CD58: variants seen among roughly 807,000 people sequenced by gnomAD.
CD58 encodes lymphocyte function-associated antigen 3.
In CD58, 14 loss-of-function variants were observed where a neutral mutation model predicts 27.6. The observed-to-expected ratio is 0.51, with a 90% CI of 0.34 to 0.79. The LOEUF (loss-of-function observed/expected upper bound fraction) is 0.79, where lower values mean the gene tolerates loss of function less well. Ranked by LOEUF, CD58 falls within the 30% of genes least tolerant of loss-of-function variation. CD58 has a pLI of 0.02. For missense variants in CD58, 268 were observed against 301.7 expected (o/e 0.89, Z 0.83); for synonymous variants, 117 against 103.8 (o/e 1.13, Z -0.77).
At chr1:116,549,378 C>G (rs1167111302) in intron 1 of CD58, among the ~76,000 whole-genome samples, 10 of 152,096 alleles carry the variant, frequency 6.6e-5, no homozygotes, top group African/African-American at 2.4e-4. Context: ...CCCAGGAGAG[C>G]AGGGCAGGTC....
At chr1:116,540,044 C>A (rs1657944163) in intron 2 of CD58, among the ~76,000 whole-genome samples, 1 of 152,130 alleles carries the variant, frequency 6.6e-6, no homozygotes, top group African/African-American at 2.4e-5. Context: ...AAGGACAGGG[C>A]AGTTAATTCT....
In CD58 at chr1:116,538,926, G is replaced by A. The variant is rs144271586; in HGVS notation, c.365-2698C>T. ...TACCCGCTATCTCCAAAGAGGTACA[G>A]TATGGTGTTTAGCATGGACTCAGAA... On this transcript the variant is annotated intron_variant, in intron 2 of 5. Transcript: ENST00000369489. The surrounding 1 kb of genome is among the most constrained non-coding windows in gnomAD (Gnocchi z 4.7). Among the ~76,000 whole-genome samples the A allele has an allele frequency of 6.6e-6, 1 of 152,228 alleles. No individual in the cohort carries two copies. Among genetic ancestry groups the A allele is most frequent in the Non-Finnish European group, 1.5e-5 (1 of 68,038 alleles).
In CD58 at chr1:116,559,540, TA is replaced by T. The variant is rs939054420; in HGVS notation, c.70+11362del. Among the ~76,000 whole-genome samples, 8 of 152,108 alleles carry T rather than the reference TA, an allele frequency of 5.3e-5. No individual in the cohort carries two copies. The highest frequency in any genetic ancestry group is 1.9e-4 in the African/African-American group (8 of 41,422). Reference sequence around the variant, plus strand: ...CAGTTAGTGACTTCTCTTATTTCCTTAAGACAGAGATTTACTGATTTCAGCC... The same window carrying T: ...CAGTTAGTGACTTCTCTTATTTCCTTAGACAGAGATTTACTGATTTCAGCC... On this transcript the variant is annotated intron_variant, in intron 1 of 5. Transcript: ENST00000369489. The surrounding 1 kb of genome is among the most constrained non-coding windows in gnomAD (Gnocchi z 4.4).
In CD58 at chr1:116,563,463, T is replaced by C. The variant is rs1194770333; in HGVS notation, c.70+7440A>G. On this transcript the variant is annotated intron_variant, in intron 1 of 5. Coordinates refer to ENST00000369489, the MANE Select transcript of CD58 (RefSeq NM_001779.3). This position sits in a 1 kb window ranked among gnomAD's most constrained non-coding sequence, Gnocchi z 4.1. ...TCTGTGTGGGGGCTCCAACTCCACA[T>C]TTCCCTTCCACACTGCCCTAGCAGA... 6.6e-6 allele frequency among the ~76,000 whole-genome samples: 1 copy of C among 152,106 alleles called. No individual in the cohort carries two copies. The highest frequency in any genetic ancestry group is 1.5e-5 in the Non-Finnish European group (1 of 68,010).
rs1658684899 is a variant in CD58, at chr1:116,559,449, A to G, written c.70+11454T>C. ...CCCCAGAGCCTGCACTGTTGGCCAG[A>G]ACATCAGATGCCTTGGTTGGGGCCA... is the stretch of plus-strand genomic sequence containing the variant. On this transcript the variant is annotated intron_variant, in intron 1 of 5. Transcript: ENST00000369489. This position sits in a 1 kb window ranked among gnomAD's most constrained non-coding sequence, Gnocchi z 4.4. Among the ~76,000 whole-genome samples, 1 of 152,212 alleles carries G rather than the reference A, an allele frequency of 6.6e-6. No individual in the cohort carries two copies. Among genetic ancestry groups the G allele is most frequent in the African/African-American group, 2.4e-5 (1 of 41,454 alleles).
intron 1 of CD58, among the ~76,000 whole-genome samples, chr1:116,555,572 T>A (rs564879171): frequency 4.6e-5 from 7 of 152,332 alleles, no homozygotes; most frequent in Admixed American, 2.0e-4. Context: ...GAATTTTTTT[T>A]AAATAAAGAT....
In CD58 at chr1:116,536,076, T is replaced by C. The variant is rs571293856; in HGVS notation, c.517A>G (p.Ile173Val). ...AGATCATTTTCCATCTTAAAATATA[T>C]ACTGGTTGAGTTACGTTTACATTGC... ...MEQCKRNSTSIYFKMENDLPQ... is the reference protein window; with the variant it reads ...MEQCKRNSTSVYFKMENDLPQ... The change falls in exon 3 of 6, where the codon ATA (isoleucine) becomes GTA (valine). Residue 173 changes from isoleucine (I) to valine (V), a missense_variant. By Grantham distance (29) the Ile-to-Val change is conservative (BLOSUM62 3). Coordinates refer to ENST00000369489, the MANE Select transcript of CD58 (RefSeq NM_001779.3). The surrounding 1 kb of genome is among the most constrained non-coding windows in gnomAD (Gnocchi z 5.4). The C allele has an allele frequency of 1.4e-5, 23 of 1,613,684 alleles. No individual in the cohort carries two copies. Among genetic ancestry groups the C allele is most frequent in the Non-Finnish European group, 1.9e-5 (23 of 1,179,740 alleles).
intron 1 of CD58, among the ~76,000 whole-genome samples, chr1:116,556,368 T>TGGCTTGCTAGTTAAGC (rs143410415): frequency 5.3e-5 from 8 of 151,834 alleles, no homozygotes; most frequent in Non-Finnish European, 1.2e-4. Context: ...CAATGTTAAG[T>TGGCTTGCTAGTTAAGC]AATGAAGCCA....
chr1:116,526,239 T>C (rs1268846404), intron 3 of CD58, among the ~76,000 whole-genome samples: 1 of 152,244 alleles, frequency 6.6e-6, no homozygotes, highest in African/African-American at 2.4e-5. Flanking sequence ...ATGAATCATG[T>C]CTTTGGTGTT....
chr1:116,533,010 C>A, intron 3 of CD58: 1 of 743,034 alleles, frequency 1.3e-6, no homozygotes. Context: ...TCATCTTCTC[C>A]CTCCTCATCA....
At position 116,538,474 on chromosome 1, in the gene CD58, G is replaced by T. The variant is rs1262773234; in HGVS notation, c.365-2246C>A. 6.6e-6 allele frequency among the ~76,000 whole-genome samples: 1 copy of T among 152,076 alleles called. No homozygotes were observed. The highest frequency in any genetic ancestry group is 1.5e-5 in the Non-Finnish European group (1 of 68,022). On this transcript the variant is annotated intron_variant, in intron 2 of 5. Coordinates refer to ENST00000369489, the MANE Select transcript of CD58 (RefSeq NM_001779.3). This position sits in a 1 kb window ranked among gnomAD's most constrained non-coding sequence, Gnocchi z 4.7. The stretch of plus-strand genomic sequence containing the variant: ...GTAACTAGGCTGGGCATTTCTCAGG[G>T]GCAGAAAACCAAGCTTTCTACCTCC...
chr1:116,567,326 G>A (rs998843944), intron 1 of CD58, among the ~76,000 whole-genome samples: 16 of 150,770 alleles, frequency 1.1e-4, no homozygotes, highest in Middle Eastern at 6.8e-3. Flanking sequence ...GGTGGGGGAA[G>A]AAAATTACCA....
Position 116,559,677 on chromosome 1 carries a change from C to G in CD58, c.70+11226G>C, listed in dbSNP as rs551499204. Among the ~76,000 whole-genome samples the G allele has an allele frequency of 1.6e-4, 24 of 152,272 alleles. No homozygotes were observed. Among genetic ancestry groups the G allele is most frequent in the Non-Finnish European group, 3.2e-4 (22 of 68,018 alleles). Reference sequence around the variant, plus strand: ...CCAAGGCCAGAGCAAGGTTCCCGGACCTTGCTCTCAGCTGTCAATCTGCCT... The same window carrying G: ...CCAAGGCCAGAGCAAGGTTCCCGGAGCTTGCTCTCAGCTGTCAATCTGCCT... On this transcript the variant is annotated intron_variant, in intron 1 of 5. Transcript: ENST00000369489. The surrounding 1 kb of genome is among the most constrained non-coding windows in gnomAD (Gnocchi z 4.4).
At chr1:116,526,612 A>G (rs1047128111) in intron 3 of CD58, among the ~76,000 whole-genome samples, 1 of 152,182 alleles carries the variant, frequency 6.6e-6, no homozygotes, top group African/African-American at 2.4e-5. Context: ...TAAGTCTTGA[A>G]GTTGAGTAGT....
In CD58 at chr1:116,547,626, G is replaced by T. The variant is rs185652386; in HGVS notation, c.71-3022C>A. Among the ~76,000 whole-genome samples, 3 of 152,100 alleles carry T rather than the reference G, an allele frequency of 2.0e-5. No individual in the cohort carries two copies. In the East Asian group the frequency reaches 5.8e-4, roughly 29 times the overall value. On this transcript the variant is annotated intron_variant, in intron 1 of 5. Transcript: ENST00000369489. ...TTACAGACACGAGCCACCGCGCCTG[G>T]CCTATTATGTTCCTTTTTATGGCAT...
At position 116,521,771 on chromosome 1, in the gene CD58, A is replaced by G. The variant is rs1657270027; in HGVS notation, c.706+135T>C. ...CCTAGCATGCTCAGCAGTCCCACACACGTAAAGCAAAAAAGTTTTTGTTTC... is the reference window on the plus strand; with the variant it reads ...CCTAGCATGCTCAGCAGTCCCACACGCGTAAAGCAAAAAAGTTTTTGTTTC... On this transcript the variant is annotated intron_variant, in intron 4 of 5. Coordinates refer to ENST00000369489, the MANE Select transcript of CD58 (RefSeq NM_001779.3). The surrounding 1 kb of genome is among the most constrained non-coding windows in gnomAD (Gnocchi z 5.6). 4.7e-6 allele frequency: 3 copies of G among 636,890 alleles called. No homozygotes were observed. The highest frequency in any genetic ancestry group is 8.7e-6 in the Non-Finnish European group (3 of 346,316). The allele number at this position is 636,890 out of a possible 1,614,324, so 39.5% of individuals were successfully genotyped here. A position where few individuals can be genotyped will look rare whatever the true frequency, so the allele number is the denominator to read the frequency against.
Position 116,531,876 on chromosome 1 carries a change from C to T in CD58, c.628+4089G>A, listed in dbSNP as rs984118815. 2.0e-5 allele frequency among the ~76,000 whole-genome samples: 3 copies of T among 152,204 alleles called. No homozygotes were observed. Among genetic ancestry groups the T allele is most frequent in the Non-Finnish European group, 2.9e-5 (2 of 68,042 alleles). ...GCACTCTCTACAGGCCTGGTCAGCG[C>T]GGACAAGGCCATCCCCGGCTGCCAC... On this transcript the variant is annotated intron_variant, in intron 3 of 5. Coordinates refer to ENST00000369489, the MANE Select transcript of CD58 (RefSeq NM_001779.3). The surrounding 1 kb of genome is among the most constrained non-coding windows in gnomAD (Gnocchi z 4.5).
rs1296903912 is a variant in CD58, at chr1:116,563,163, G to A, written c.70+7740C>T. Among the ~76,000 whole-genome samples the A allele has an allele frequency of 6.6e-6, 1 of 152,172 alleles. No homozygotes were observed. Among genetic ancestry groups the A allele is most frequent in the African/African-American group, 2.4e-5 (1 of 41,424 alleles). On this transcript the variant is annotated intron_variant, in intron 1 of 5. Transcript: ENST00000369489. This position sits in a 1 kb window ranked among gnomAD's most constrained non-coding sequence, Gnocchi z 4.1. ...CCATGCAAGTCCTAAATCCAATAGGGCAGTCTTAAACCTTAAAGTTCCAAA... is the reference window on the plus strand; with the variant it reads ...CCATGCAAGTCCTAAATCCAATAGGACAGTCTTAAACCTTAAAGTTCCAAA...
At position 116,535,996 on chromosome 1, in the gene CD58, T is replaced by TC; in HGVS notation, c.596_597insG (p.Ile200AsnfsTer42). 6.2e-7 allele frequency: 1 copy of TC among 1,611,466 alleles called. No individual in the cohort carries two copies. The highest frequency in any genetic ancestry group is 8.5e-7 in the Non-Finnish European group (1 of 1,178,826). On this transcript the variant is annotated frameshift_variant, in exon 3 of 6. Coordinates refer to ENST00000369489, the MANE Select transcript of CD58 (RefSeq NM_001779.3). LOFTEE classifies it high-confidence loss of function. ...TTGGGATACAGGTTGTCAAAATGAT[T>TC]GATGATGTTGTATTAAATAATGGAT...
Sources: gnomAD v4.1 joint callset for allele counts (sites outside exome capture counted in the v4.1 genomes callset) on GRCh38, gnomAD v4.1.1 for gene constraint, Gnocchi (gnomAD v3.1) non-coding constraint, MANE v1.5 for transcripts, NCBI Gene and HGNC (gene_info 2026-07-23, HGNC 2026-07-21) for gene names.